Variants in ARHGAP32 observed in about 807,000 individuals in gnomAD.
ARHGAP32 encodes Rho GTPase activating protein 32.
A neutral mutation model predicts 186.5 loss-of-function variants in ARHGAP32; 51 were observed. The ratio of observed to expected loss-of-function variants is 0.27; its 90% CI spans 0.22 to 0.35. The LOEUF (loss-of-function observed/expected upper bound fraction) is 0.35, where lower values mean the gene tolerates loss of function less well. Among genes scored for constraint, ARHGAP32 ranks in the 10% least tolerant of loss-of-function variants. ARHGAP32 has a pLI of 1.00. For missense variants in ARHGAP32, 2,186 were observed against 2,623.5 expected (o/e 0.83, Z 3.64); for synonymous variants, 950 against 964.3 (o/e 0.99, Z 0.27).
At chr11:129,190,881 G>A (rs1341774883) in intron 1 of ARHGAP32, among the ~76,000 whole-genome samples, 1 of 152,112 alleles carries the variant, frequency 6.6e-6, no homozygotes, top group Non-Finnish European at 1.5e-5. Context: ...TGAAAGGCTA[G>A]ATAAAATTAT....
At chr11:128,972,353 A>C in intron 22 of ARHGAP32, 100 bp downstream of exon 22, 1 of 1,344,342 alleles carries the variant, frequency 7.4e-7, no homozygotes, top group Non-Finnish European at 9.9e-7. Context: ...CTTAAAAGTA[A>C]TTGTTGTGTC....
At chr11:129,088,432 T>C (rs1941474076) in intron 6 of ARHGAP32, among the ~76,000 whole-genome samples, 1 of 151,984 alleles carries the variant, frequency 6.6e-6, no homozygotes, top group East Asian at 1.9e-4. Context: ...ATACAAAAAT[T>C]AGCTGGGCAC....
intron 12 of ARHGAP32, among the ~76,000 whole-genome samples, chr11:128,991,108 G>GT (rs1946035419): frequency 1.3e-5 from 2 of 152,132 alleles, no homozygotes; most frequent in Non-Finnish European, 2.9e-5. Context: ...GTGTATATCT[G>GT]TGTGTTATTA....
In ARHGAP32 at chr11:129,066,742, C is replaced by G. The variant is rs1176123418; in HGVS notation, c.658G>C (p.Asp220His). Reference sequence around the variant, plus strand: ...TACTAAATGCTTACCTCTGGACTGTCCTTCAGGGTGTCAGAACGGGGAAGT... The same window carrying G: ...TACTAAATGCTTACCTCTGGACTGTGCTTCAGGGTGTCAGAACGGGGAAGT... Reference protein sequence around the residue: ...SELPRSDTLKDSPESVTQMLM... With the variant: ...SELPRSDTLKHSPESVTQMLM... Residue 220 changes from aspartate to histidine, a missense_variant, in exon 7 of 23, where the codon GAC becomes CAC. Coordinates refer to ENST00000682385, the MANE Select transcript of ARHGAP32 (RefSeq NM_001378024.1). 1 of 1,612,246 alleles carries G rather than the reference C, an allele frequency of 6.2e-7. No homozygotes were observed. Among genetic ancestry groups the G allele is most frequent in the African/African-American group, 1.3e-5 (1 of 74,950 alleles).
intron 1 of ARHGAP32, among the ~76,000 whole-genome samples, chr11:129,216,256 G>A (rs1274116721): frequency 6.6e-6 from 1 of 152,076 alleles, no homozygotes; most frequent in African/African-American, 2.4e-5. Context: ...GGACATATTT[G>A]ACAGGCCACT....
chr11:129,210,453 C>T (rs925875683), intron 1 of ARHGAP32, among the ~76,000 whole-genome samples: 5 of 152,128 alleles, frequency 3.3e-5, no homozygotes, highest in Non-Finnish European at 5.9e-5. Context: ...CTGAAGCATG[C>T]CCAAGGTCAC....
At position 128,974,736 on chromosome 11, in the gene ARHGAP32, C is replaced by T; in HGVS notation, c.2461G>A (p.Ala821Thr). Residue 821 changes from alanine (A) to threonine (T), a missense_variant, in exon 21 of 23, where the codon GCC (alanine) becomes ACC (threonine). Physicochemically the swap from Ala to Thr is moderately conservative, Grantham distance 58. Transcript: ENST00000682385. ...CCACTCTCCAGACATTCTGATTCGGCCTTAGGAGGACTACATTGAAATGAC... is the reference window on the plus strand; with the variant it reads ...CCACTCTCCAGACATTCTGATTCGGTCTTAGGAGGACTACATTGAAATGAC... The part of the protein sequence containing the change: ...PMSFQCSPPK[A>T]ESECLESGAS... 1.9e-6 allele frequency: 3 copies of T among 1,614,174 alleles called. No individual in the cohort carries two copies. The highest frequency in any genetic ancestry group is 1.7e-6 in the Non-Finnish European group (2 of 1,180,040).
At chr11:129,274,650 T>A (rs896790373) in intron 1 of ARHGAP32, among the ~76,000 whole-genome samples, 4 of 152,144 alleles carry the variant, frequency 2.6e-5, no homozygotes, top group Non-Finnish European at 5.9e-5. Context: ...CATTTGAAGT[T>A]GAGAGGCACA....
intron 10 of ARHGAP32, among the ~76,000 whole-genome samples, chr11:129,048,455 T>G (rs1229256042): frequency 6.6e-6 from 1 of 151,458 alleles, no homozygotes; most frequent in Non-Finnish European, 1.5e-5. Flanking sequence ...AATGATAGTT[T>G]AAGTAAGGAG....
Position 128,969,944 on chromosome 11 carries a change from C to A in ARHGAP32, c.5269G>T (p.Asp1757Tyr). ...CGGTATTTTTCCATGTCCTCAAGAT[C>A]CCATGAGGTGTAGGTGTGCTTCACA... ...ADVKHTYTSW[D>Y]LEDMEKYRMQ... The change falls in exon 23 of 23, where the codon GAT (aspartate) becomes TAT (tyrosine). Residue 1757 changes from aspartate (D) to tyrosine (Y), a missense_variant. Asp to Tyr is a radical substitution (Grantham distance 160, BLOSUM62 -3). Around this residue, in one of 5 missense-constraint regions of ARHGAP32, gnomAD observed 1,502 missense variants for 1,570.0 expected, o/e 0.96. Transcript: ENST00000682385. The surrounding 1 kb of genome is among the most constrained non-coding windows in gnomAD (Gnocchi z 4.8). 1 of 1,614,186 alleles carries A rather than the reference C, an allele frequency of 6.2e-7. No homozygotes were observed. Among genetic ancestry groups the A allele is most frequent in the South Asian group, 1.1e-5 (1 of 91,086 alleles).
In ARHGAP32 at chr11:128,971,096, A is replaced by G. The variant is rs1218169542; in HGVS notation, c.4117T>C (p.Ser1373Pro). 1.9e-6 allele frequency: 3 copies of G among 1,614,104 alleles called. No homozygotes were observed. ...GCACCACTGTCACTGATGAAGGCAG[A>G]CGCAGGGTCATCCATGGCTCGAGGT... The part of the protein sequence containing the change: ...PEPRAMDDPA[S>P]AFISDSGAAA... Residue 1373 changes from serine to proline, a missense_variant, in exon 23 of 23, where the codon TCT becomes CCT. Transcript: ENST00000682385.
At chr11:129,227,945 G>A (rs1453076035) in intron 1 of ARHGAP32, among the ~76,000 whole-genome samples, 1 of 152,064 alleles carries the variant, frequency 6.6e-6, no homozygotes, top group African/African-American at 2.4e-5. Context: ...CTTCTCAAGT[G>A]CACATGGAAC....
At chr11:129,024,209 C>T (rs1591541474) in intron 11 of ARHGAP32, 7 of 983,256 alleles carry the variant, frequency 7.1e-6, no homozygotes, top group Non-Finnish European at 7.2e-6. Context: ...ACCACAGAAA[C>T]GCCCCAGCCT....
intron 2 of ARHGAP32, among the ~76,000 whole-genome samples, chr11:129,154,440 T>C (rs761871867): frequency 3.9e-5 from 6 of 152,208 alleles, no homozygotes; most frequent in African/African-American, 1.2e-4. Flanking sequence ...CACATGTTTA[T>C]TGCAGCACAA....
intron 1 of ARHGAP32, among the ~76,000 whole-genome samples, chr11:129,239,398 G>A (rs778612534): frequency 3.3e-5 from 5 of 152,150 alleles, no homozygotes; most frequent in African/African-American, 4.8e-5. Context: ...TTTTGCAGAT[G>A]AGTAATTTTA....
chr11:129,180,380 G>A (rs953513495), intron 1 of ARHGAP32, among the ~76,000 whole-genome samples: 1 of 152,070 alleles, frequency 6.6e-6, no homozygotes, highest in African/African-American at 2.4e-5. Context: ...AAGGTTTTGT[G>A]TGTGCTAGAA....
chr11:129,060,469 T>C (rs1940455115), intron 10 of ARHGAP32, among the ~76,000 whole-genome samples: 1 of 152,192 alleles, frequency 6.6e-6, no homozygotes, highest in Non-Finnish European at 1.5e-5. Flanking sequence ...GCCAAATTAA[T>C]CTTTTGATCA....
chr11:128,974,012 CT>C, intron 21 of ARHGAP32, 111 bp downstream of exon 21: 1 of 1,322,274 alleles, frequency 7.6e-7, no homozygotes, highest in Non-Finnish European at 1.0e-6. Context: ...AAAGCATTCT[CT>C]TTGATTAAAG....
At chr11:129,065,731 G>A (rs984321686) in intron 7 of ARHGAP32, among the ~76,000 whole-genome samples, 5 of 152,010 alleles carry the variant, frequency 3.3e-5, no homozygotes, top group African/African-American at 7.2e-5. Flanking sequence ...CTGGTAGGGG[G>A]AGTGGCTTAC....
Sources: allele counts gnomAD v4.1 joint callset (sites outside exome capture counted in the v4.1 genomes callset), GRCh38; gene constraint gnomAD v4.1.1; regional missense constraint gnomAD v4.1.1; non-coding constraint Gnocchi (gnomAD v3.1); transcripts MANE v1.5; gene names NCBI Gene and HGNC (gene_info 2026-07-23, HGNC 2026-07-21).